The following DCT variants were observed in gnomAD, a reference collection of about 807,000 sequenced individuals.
DCT encodes dopachrome tautomerase, also known as L-dopachrome tautomerase.
Under a neutral mutation model 53.0 loss-of-function variants are expected in DCT, and 47 were observed. The observed-to-expected ratio is 0.89, with a 90% CI of 0.70 to 1.13. The LOEUF is 1.13. DCT is among the 50% of genes most tolerant of loss of function. DCT has a pLI of 0.00. For synonymous variants in DCT, 244 were observed against 237.0 expected (o/e 1.03, Z -0.27); for missense variants, 669 against 637.4 (o/e 1.05, Z -0.53).
At chr13:94,495,754 G>A in the DCT span, among the ~76,000 whole-genome samples, 1 of 152,162 alleles carries the variant, frequency 6.6e-6, no homozygotes, top group Non-Finnish European at 1.5e-5. Context: ...ATCTCAAAGG[G>A]AGAGAGAGAC....
At chr13:94,442,157 C>T (rs1301245386) in intron 7 of DCT, among the ~76,000 whole-genome samples, 4 of 152,122 alleles carry the variant, frequency 2.6e-5, no homozygotes, top group African/African-American at 4.8e-5. Context: ...CCAAGCGTCC[C>T]ACTACAGCCA....
At chr13:94,536,011 C>A in the DCT span, among the ~76,000 whole-genome samples, 1 of 152,128 alleles carries the variant, frequency 6.6e-6, no homozygotes, top group Non-Finnish European at 1.5e-5. Flanking sequence ...ATAGCCTAAC[C>A]CCTAATACCA....
chr13:94,488,522 C>G, the DCT span, among the ~76,000 whole-genome samples: 1 of 152,034 alleles, frequency 6.6e-6, no homozygotes, highest in South Asian at 2.1e-4. Context: ...TGAGACCAGC[C>G]TCGGCAACAT....
At chr13:94,506,243 C>A in the DCT span, among the ~76,000 whole-genome samples, 1 of 152,178 alleles carries the variant, frequency 6.6e-6, no homozygotes, top group South Asian at 2.1e-4. Context: ...CATCTAGCCC[C>A]AGCTCTTCGT....
intron 5 of DCT, among the ~76,000 whole-genome samples, chr13:94,461,020 G>A (rs1314566305): frequency 1.3e-5 from 2 of 152,308 alleles, no homozygotes; most frequent in African/African-American, 4.8e-5. Flanking sequence ...AGTCTGCTGA[G>A]GTTGGACACA....
At chr13:94,530,078 C>T in the DCT span, among the ~76,000 whole-genome samples, 1 of 152,000 alleles carries the variant, frequency 6.6e-6, no homozygotes, top group Non-Finnish European at 1.5e-5. Flanking sequence ...AAGACTAAAC[C>T]AGGAAGAAGT....
chr13:94,532,657 G>A, the DCT span, among the ~76,000 whole-genome samples: 1 of 152,088 alleles, frequency 6.6e-6, no homozygotes, highest in Non-Finnish European at 1.5e-5. Flanking sequence ...GCTAGGGGAG[G>A]GATAGCATTA....
At position 94,437,377 on chromosome 13, in the gene DCT, C is replaced by A. The variant is rs1374397962; in HGVS notation, c.*2521G>T. 1 of 152,074 alleles carries A rather than the reference C, an allele frequency of 6.6e-6. No individual in the cohort carries two copies. The highest frequency in any genetic ancestry group is 1.5e-5 in the Non-Finnish European group (1 of 68,020). 9.4% of individuals were successfully genotyped at this position (152,074 alleles called of 1,614,324 possible). A position where few individuals can be genotyped will look rare whatever the true frequency, so the allele number is the denominator to read the frequency against. On this transcript the variant is annotated 3_prime_UTR_variant, in exon 8 of 8. Coordinates refer to ENST00000377028, the MANE Select transcript of DCT (RefSeq NM_001922.5). Reference sequence around the variant, plus strand: ...CTACTTCTTAATAATGAGATTAAAACTAGTCATTAAAAGTATTATAATTAA... The same window carrying A: ...CTACTTCTTAATAATGAGATTAAAAATAGTCATTAAAAGTATTATAATTAA...
chr13:94,473,965 G>C (rs557582765), intron 1 of DCT, among the ~76,000 whole-genome samples: 2 of 152,202 alleles, frequency 1.3e-5, no homozygotes, highest in African/African-American at 4.8e-5. Context: ...ACTGAAAAGT[G>C]TAACAACATG....
the DCT span, among the ~76,000 whole-genome samples, chr13:94,533,815 C>T: frequency 6.6e-6 from 1 of 152,088 alleles, no homozygotes; most frequent in Admixed American, 6.6e-5. Context: ...GAGCAAATGT[C>T]TCTTACCAAC....
intron 4 of DCT, among the ~76,000 whole-genome samples, chr13:94,463,208 C>A (rs1181778263): frequency 6.6e-6 from 1 of 151,942 alleles, no homozygotes; most frequent in Non-Finnish European, 1.5e-5. Context: ...ATGATCACAG[C>A]TGACTGCAGC....
At position 94,468,917 on chromosome 13, in the gene DCT, A is replaced by G; in HGVS notation, c.424T>C (p.Leu142=). The G allele has an allele frequency of 1.2e-6, 2 of 1,614,156 alleles. No individual in the cohort carries two copies. Among genetic ancestry groups the G allele is most frequent in the Non-Finnish European group, 1.7e-6 (2 of 1,180,024 alleles). The change falls in exon 2 of 8, where the codon TTG becomes CTG. Residue 142 remains leucine, a synonymous_variant. Transcript: ENST00000377028. The stretch of plus-strand genomic sequence containing the variant: ...TTCTTCGCGAGATCTAAGGCGCCCA[A>G]GAACTGCTCTCTTTCCTGAGGACTC... The part of the protein sequence containing the change: ...SLSPQEREQF[L]GALDLAKKRV...
chr13:94,443,437 T>A lies in DCT; in HGVS notation c.1380A>T (p.Pro460=). 1 of 1,610,034 alleles carries A rather than the reference T, an allele frequency of 6.2e-7. No individual in the cohort carries two copies. The highest frequency in any genetic ancestry group is 8.5e-7 in the Non-Finnish European group (1 of 1,176,276). ...QLGYSYAIDL[P]VSVEETPGWP... ...CCATTTGGAAGTTGTGTTAGTTACC[T>A]GGCAGATCGATGGCATAGCTGTAGC... The change falls in exon 7 of 8, where the codon CCA becomes CCT. Residue 460 remains proline, a splice_region_variant and synonymous_variant. Transcript: ENST00000377028.
chr13:94,527,254 C>A, the DCT span, among the ~76,000 whole-genome samples: 4 of 150,194 alleles, frequency 2.7e-5, no homozygotes, highest in African/African-American at 1.0e-4. Context: ...ATGTCCCTGT[C>A]TGACAGCTCT....
At chr13:94,506,636 C>G in the DCT span, among the ~76,000 whole-genome samples, 2 of 151,964 alleles carry the variant, frequency 1.3e-5, no homozygotes, top group African/African-American at 4.8e-5. Context: ...TAGACAAATT[C>G]CACAGTAATC....
At chr13:94,509,018 T>C in the DCT span, among the ~76,000 whole-genome samples, 1 of 152,190 alleles carries the variant, frequency 6.6e-6, no homozygotes, top group African/African-American at 2.4e-5. Context: ...TCCAAGCCAC[T>C]GAATCAGACC....
chr13:94,440,330 G>T (rs538043285), intron 7 of DCT, among the ~76,000 whole-genome samples: 3 of 152,200 alleles, frequency 2.0e-5, no homozygotes, highest in African/African-American at 7.2e-5. Flanking sequence ...TACAATAAAT[G>T]CTTATGCCGA....
At chr13:94,476,180 CTTTTTTTTTTTTTT>C (rs529819051) in intron 1 of DCT, among the ~76,000 whole-genome samples, 5 of 72,734 alleles carry the variant, frequency 6.9e-5, no homozygotes, top group Non-Finnish European at 1.0e-4. Flanking sequence ...GGGGGAGCCT[CTTTTTTTTTTTTTT>C]TTTTTTTTTT....
Position 94,468,894 on chromosome 13 carries a change from C to A in DCT, c.447G>T (p.Lys149Asn). 3 of 1,614,170 alleles carry A rather than the reference C, an allele frequency of 1.9e-6. No individual in the cohort carries two copies. Among genetic ancestry groups the A allele is most frequent in the Non-Finnish European group, 2.5e-6 (3 of 1,180,030 alleles). The stretch of plus-strand genomic sequence containing the variant: ...TCACGTAGTCGGGGTGTACTCTCTT[C>A]TTCGCGAGATCTAAGGCGCCCAAGA... Reference protein sequence around the residue: ...EQFLGALDLAKKRVHPDYVIT... With the variant: ...EQFLGALDLANKRVHPDYVIT... The change falls in exon 2 of 8, where the codon AAG (lysine) becomes AAT (asparagine). Residue 149 changes from lysine to asparagine, a missense_variant. Coordinates refer to ENST00000377028, the MANE Select transcript of DCT (RefSeq NM_001922.5).
Sources: allele counts gnomAD v4.1 joint callset (sites outside exome capture counted in the v4.1 genomes callset), GRCh38; gene constraint gnomAD v4.1.1; transcripts MANE v1.5; gene names NCBI Gene and HGNC (gene_info 2026-07-23, HGNC 2026-07-21).